Variants in TSPOAP1 observed in about 807,000 individuals in gnomAD.
The protein encoded by TSPOAP1 is TSPO associated protein 1.
In TSPOAP1, 87 loss-of-function variants were observed where a neutral mutation model predicts 197.0. That is an observed-to-expected ratio of 0.44 (90% CI 0.37 to 0.53). The LOEUF (loss-of-function observed/expected upper bound fraction) is 0.53. Among genes scored for constraint, TSPOAP1 ranks in the 20% least tolerant of loss-of-function variants. TSPOAP1 has a pLI of 0.00. For missense variants in TSPOAP1, 2,174 were observed against 2,411.3 expected (o/e 0.90, Z 2.06); for synonymous variants, 913 against 998.9 (o/e 0.91, Z 1.62).
chr17:58,325,082 C>T, intron 4 of TSPOAP1, 80 bp from the exon 5 acceptor site: 2 of 1,311,104 alleles, frequency 1.5e-6, no homozygotes, highest in East Asian at 2.6e-5. Flanking sequence ...CAGAGCCCTT[C>T]GCCTTGCTGG....
intron 31 of TSPOAP1, chr17:58,303,481 A>G (rs549353538): frequency 6.6e-6 from 1 of 151,804 alleles, no homozygotes; most frequent in African/African-American, 2.4e-5. Flanking sequence ...AACCAGCCAG[A>G]GCCAATAGCC....
At chr17:58,311,777 A>G in intron 17 of TSPOAP1, 55 bp from the exon 18 acceptor site, 1 of 1,512,174 alleles carries the variant, frequency 6.6e-7, no homozygotes, top group Non-Finnish European at 8.8e-7. Context: ...CATCAGAGAT[A>G]CCTGCCCAAT....
Position 58,328,010 on chromosome 17 carries a change from C to A in TSPOAP1, c.-90G>T, listed in dbSNP as rs906924389. 1.9e-5 allele frequency: 22 copies of A among 1,168,574 alleles called. No homozygotes were observed. In the East Asian group the frequency reaches 5.4e-4, roughly 29 times the overall value. The allele number at this position is 1,168,574 out of a possible 1,614,324, so 72.4% of individuals were successfully genotyped here. A position where few individuals can be genotyped will look rare whatever the true frequency, so the allele number is the denominator to read the frequency against. On this transcript the variant is annotated 5_prime_UTR_variant, in exon 1 of 32. Coordinates refer to ENST00000343736, the MANE Select transcript of TSPOAP1 (RefSeq NM_004758.4). This position sits in a 1 kb window ranked among gnomAD's most constrained non-coding sequence, Gnocchi z 4.3. ...CGAGGGTCATGCCAGGCCAGCCCCTCTCCCCTCTGAGCTCTTGCTTCACCG... is the reference window on the plus strand; with the variant it reads ...CGAGGGTCATGCCAGGCCAGCCCCTATCCCCTCTGAGCTCTTGCTTCACCG...
At chr17:58,314,768 C>T (rs947987988) in intron 16 of TSPOAP1, among the ~76,000 whole-genome samples, 3 of 152,246 alleles carry the variant, frequency 2.0e-5, no homozygotes, top group African/African-American at 7.2e-5. Context: ...AGGCAGGAGT[C>T]TTCACACTAA....
Position 58,302,152 on chromosome 17 carries a change from A to G in TSPOAP1, c.*328T>C. On this transcript the variant is annotated 3_prime_UTR_variant, in exon 32 of 32. Transcript: ENST00000343736. ...CTCTTTGATTCCCTCTGAATGCCAC[A>G]GTGTTAACGCAGAAGAACGGGGGCT... 2 of 937,268 alleles carry G rather than the reference A, an allele frequency of 2.1e-6. No homozygotes were observed. Among genetic ancestry groups the G allele is most frequent in the Non-Finnish European group, 2.8e-6 (2 of 708,818 alleles). 58.1% of individuals were successfully genotyped at this position (937,268 alleles called of 1,614,324 possible). A position where few individuals can be genotyped will look rare whatever the true frequency, so the allele number is the denominator to read the frequency against.
chr17:58,313,351 G>A (rs1235848076), intron 16 of TSPOAP1, among the ~76,000 whole-genome samples: 1 of 152,142 alleles, frequency 6.6e-6, no homozygotes, highest in East Asian at 1.9e-4. Context: ...GGTGGCTTAT[G>A]CCTGTAATCC....
In TSPOAP1 at chr17:58,326,860, A is replaced by T. The variant is rs899087632; in HGVS notation, c.334-70T>A. The T allele has an allele frequency of 7.7e-7, 1 of 1,298,036 alleles. No homozygotes were observed. Among genetic ancestry groups the T allele is most frequent in the Non-Finnish European group, 1.1e-6 (1 of 896,504 alleles). 80.4% of individuals were successfully genotyped at this position (1,298,036 alleles called of 1,614,324 possible). A position where few individuals can be genotyped will look rare whatever the true frequency, so the allele number is the denominator to read the frequency against. ...CACCCAGCCAGAGCCTTCCCTGTGG[A>T]AGCATCCACCATCCATGGTCCAAGG... On this transcript the variant is annotated intron_variant, in intron 1 of 31. Transcript: ENST00000343736. The surrounding 1 kb of genome is among the most constrained non-coding windows in gnomAD (Gnocchi z 4.7).
intron 14 of TSPOAP1, among the ~76,000 whole-genome samples, chr17:58,316,971 C>A (rs886741184): frequency 2.6e-5 from 4 of 152,214 alleles, no homozygotes; most frequent in African/African-American, 7.2e-5. Flanking sequence ...CTGAGGAGGG[C>A]AGATTGCTTG....
Position 58,304,969 on chromosome 17 carries a change from G to T in TSPOAP1, c.5544+92C>A. 1 of 967,056 alleles carries T rather than the reference G, an allele frequency of 1.0e-6. No individual in the cohort carries two copies. The highest frequency in any genetic ancestry group is 1.7e-6 in the Non-Finnish European group (1 of 593,456). The allele number at this position is 967,056 out of a possible 1,614,324, so 59.9% of individuals were successfully genotyped here. The stretch of plus-strand genomic sequence containing the variant: ...AGTGCTTACCTGCATGACCACCCCA[G>T]CTGCACCCCTGCCGCAACACTGCCC... On this transcript the variant is annotated intron_variant, in intron 30 of 31. Transcript: ENST00000343736. This position sits in a 1 kb window ranked among gnomAD's most constrained non-coding sequence, Gnocchi z 4.2.
intron 23 of TSPOAP1, 30 bp from the exon 24 acceptor site, chr17:58,307,792 CA>C: frequency 6.2e-7 from 1 of 1,613,706 alleles, no homozygotes; most frequent in Non-Finnish European, 8.5e-7. Flanking sequence ...GGCGGTGACG[CA>C]GCGAGCTCTG....
chr17:58,306,845 G>A lies in TSPOAP1; in HGVS notation c.5107C>T (p.Leu1703Phe). The A allele has an allele frequency of 6.2e-7, 1 of 1,613,832 alleles. No homozygotes were observed. Among genetic ancestry groups the A allele is most frequent in the Non-Finnish European group, 8.5e-7 (1 of 1,179,982 alleles). The change falls in exon 25 of 32, where the codon CTC becomes TTC. Residue 1703 changes from leucine (L) to phenylalanine (F), a missense_variant. Transcript: ENST00000343736. Reference protein sequence around the residue: ...VDSPAGRQQLLQRGYLSPDIL... With the variant: ...VDSPAGRQQLFQRGYLSPDIL... Reference sequence around the variant, plus strand: ...TCTGGGGACAAATAACCCCGCTGGAGCAGTTGCTGTCTCCCAGCAGGGCTG... The same window carrying A: ...TCTGGGGACAAATAACCCCGCTGGAACAGTTGCTGTCTCCCAGCAGGGCTG...
At chr17:58,302,485 A>T in intron 31 of TSPOAP1, 38 bp from the exon 32 acceptor site, 1 of 1,189,476 alleles carries the variant, frequency 8.4e-7, no homozygotes, top group Non-Finnish European at 1.1e-6. Flanking sequence ...TCAGGGCCTG[A>T]TTCCCTCCTG....
intron 29 of TSPOAP1, 64 bp downstream of exon 29, chr17:58,305,323 C>T (rs746002928): frequency 6.3e-7 from 1 of 1,589,752 alleles, no homozygotes; most frequent in Non-Finnish European, 8.6e-7. Flanking sequence ...GGTTCCTTGC[C>T]TATCCCCCTG....
chr17:58,306,510 A>G, intron 25 of TSPOAP1, 97 bp from the exon 26 acceptor site: 1 of 1,218,650 alleles, frequency 8.2e-7, no homozygotes. Flanking sequence ...TAGGTTACTG[A>G]GCTTGTTTCG....
Position 58,309,410 on chromosome 17 carries a change from C to A in TSPOAP1, c.3892-30G>T. 6.3e-7 allele frequency: 1 copy of A among 1,584,592 alleles called. No individual in the cohort carries two copies. The highest frequency in any genetic ancestry group is 8.6e-7 in the Non-Finnish European group (1 of 1,168,424). On this transcript the variant is annotated intron_variant, in intron 21 of 31. Coordinates refer to ENST00000343736, the MANE Select transcript of TSPOAP1 (RefSeq NM_004758.4). The surrounding 1 kb of genome is among the most constrained non-coding windows in gnomAD (Gnocchi z 5.0). ...TGGAGGTGGGGAGGTGGGAGTAGAA[C>A]ACAGCAGGGAAGAGAGATGCGTGGG...
intron 14 of TSPOAP1, 86 bp from the exon 15 acceptor site, chr17:58,316,626 C>T: frequency 9.3e-7 from 1 of 1,074,848 alleles, no homozygotes; most frequent in Non-Finnish European, 1.3e-6. Flanking sequence ...AGCCAGAGGA[C>T]CTATTGCTTT....
intron 29 of TSPOAP1, 36 bp downstream of exon 29, chr17:58,305,351 T>G (rs1970849784): frequency 1.9e-6 from 3 of 1,609,902 alleles, no homozygotes; most frequent in Non-Finnish European, 2.5e-6. Flanking sequence ...TCTGGGGGGC[T>G]GGGATATGGT....
In TSPOAP1 at chr17:58,305,636, A is replaced by AG. The variant is rs1970859928; in HGVS notation, c.5264dup (p.Lys1756Ter). On this transcript the variant is annotated frameshift_variant, in exon 28 of 32. Transcript: ENST00000343736. LOFTEE classifies it high-confidence loss of function. ...TCAGGTCAGCAGAGGGGACCAGCTT[A>AG]GGGGGGCCTGCAGGGGGAGTAGGAG... 2.6e-6 allele frequency: 4 copies of AG among 1,526,764 alleles called. No individual in the cohort carries two copies. The highest frequency in any genetic ancestry group is 1.3e-5 in the South Asian group (1 of 78,592). The allele number at this position is 1,526,764 out of a possible 1,614,324, so 94.6% of individuals were successfully genotyped here.
At chr17:58,305,894 C>CGG in intron 26 of TSPOAP1, 29 bp from the exon 27 acceptor site, 2 of 1,601,806 alleles carry the variant, frequency 1.2e-6, no homozygotes, top group Non-Finnish European at 1.7e-6. Flanking sequence ...TGTGAGCCCC[C>CGG]TCCCACCCTG....
Sources: gnomAD v4.1 joint callset for allele counts (sites outside exome capture counted in the v4.1 genomes callset) on GRCh38, gnomAD v4.1.1 for gene constraint, Gnocchi (gnomAD v3.1) non-coding constraint, MANE v1.5 for transcripts, NCBI Gene and HGNC (gene_info 2026-07-23, HGNC 2026-07-21) for gene names.